PCDH15: variants seen among roughly 807,000 people sequenced by gnomAD.
PCDH15 encodes the protein protocadherin related 15.
A neutral mutation model predicts 178.5 loss-of-function variants in PCDH15; 129 were observed. That is an observed-to-expected ratio of 0.72 (90% CI 0.63 to 0.84). PCDH15 has a LOEUF of 0.84. Ranked by LOEUF, PCDH15 falls within the 40% of genes least tolerant of loss-of-function variation. PCDH15 has a pLI of 0.00. For missense variants in PCDH15, 2,230 were observed against 2,099.9 expected, an observed-to-expected ratio of 1.06 and a Z score of -1.21; for synonymous variants, 800 against 732.0, an observed-to-expected ratio of 1.09 and a Z score of -1.50.
At chr10:53,928,042 G>A (rs914961743) in intron 25 of PCDH15, among the ~76,000 whole-genome samples, 2 of 152,042 alleles carry the variant, frequency 1.3e-5, no homozygotes, top group Non-Finnish European at 2.9e-5. Flanking sequence ...GACATTCCTT[G>A]AGGTTAAGTG....
intron 2 of PCDH15, among the ~76,000 whole-genome samples, chr10:54,646,867 CT>C (rs2094140264): frequency 6.6e-6 from 1 of 151,966 alleles, no homozygotes; most frequent in Non-Finnish European, 1.5e-5. Flanking sequence ...TGTGGAGAAA[CT>C]GGAACTCCTA....
intron 2 of PCDH15, among the ~76,000 whole-genome samples, chr10:55,512,560 T>A (rs564511801): frequency 6.6e-6 from 1 of 152,048 alleles, no homozygotes; most frequent in Non-Finnish European, 1.5e-5. Flanking sequence ...CCAGTGAACC[T>A]AGGGGAGAAA....
intron 25 of PCDH15, among the ~76,000 whole-genome samples, chr10:53,932,547 G>A (rs901431178): frequency 2.6e-5 from 4 of 152,132 alleles, no homozygotes; most frequent in Admixed American, 6.5e-5. Context: ...ACTTGAGAAG[G>A]GAAAGCATAT....
intron 2 of PCDH15, among the ~76,000 whole-genome samples, chr10:55,480,525 GT>G (rs369670419): frequency 0.021 from 3,214 of 151,024 alleles, 116 homozygotes; most frequent in African/African-American, 0.073. Flanking sequence ...TTCATTTAGA[GT>G]TTTTTTTATC....
chr10:54,436,132 A>T (rs542961037), intron 3 of PCDH15, among the ~76,000 whole-genome samples: 97 of 149,806 alleles, frequency 6.5e-4, no homozygotes, highest in African/African-American at 2.3e-3. Flanking sequence ...AGAAAGAAAG[A>T]AAAAGAAAGA....
intron 1 of PCDH15, among the ~76,000 whole-genome samples, chr10:55,306,494 A>T (rs1241950696): frequency 6.6e-6 from 1 of 152,202 alleles, no homozygotes; most frequent in Non-Finnish European, 1.5e-5. Flanking sequence ...GTGTTAAAAA[A>T]ATATATTCTG....
At chr10:54,909,959 C>T (rs1009874341) in intron 2 of PCDH15, among the ~76,000 whole-genome samples, 6 of 152,148 alleles carry the variant, frequency 3.9e-5, no homozygotes, top group Non-Finnish European at 7.4e-5. Context: ...TCTCTTCTCC[C>T]CGTTTTCCTG....
chr10:55,142,325 T>G (rs1382053557), intron 2 of PCDH15, among the ~76,000 whole-genome samples: 1 of 152,064 alleles, frequency 6.6e-6, no homozygotes, highest in Non-Finnish European at 1.5e-5. Flanking sequence ...TTAGATTGGC[T>G]GAAAAGTAAA....
intron 8 of PCDH15, among the ~76,000 whole-genome samples, chr10:54,304,031 G>T (rs1174597762): frequency 6.6e-6 from 1 of 151,990 alleles, no homozygotes; most frequent in Non-Finnish European, 1.5e-5. Context: ...TAGCGATTAG[G>T]AATTTAGAGG....
chr10:53,846,522 A>G (rs1295459444), intron 28 of PCDH15, among the ~76,000 whole-genome samples: 2 of 145,436 alleles, frequency 1.4e-5, no homozygotes, highest in African/African-American at 4.9e-5. Flanking sequence ...TGAAAGGTTT[A>G]TTTAACTGAT....
At chr10:54,737,301 T>C (rs1591368834) in intron 1 of PCDH15, among the ~76,000 whole-genome samples, 1 of 152,234 alleles carries the variant, frequency 6.6e-6, no homozygotes, top group African/African-American at 2.4e-5. Context: ...CATGCATTTG[T>C]GGTAAAGCTG....
chr10:54,459,070 T>C lies in PCDH15; in HGVS notation c.157+68742A>G, dbSNP rs146539177. 3.0e-3 allele frequency among the ~76,000 whole-genome samples: 460 copies of C among 152,112 alleles called. 3 individuals carry two copies. Among genetic ancestry groups the C allele is most frequent in the African/African-American group, 0.011 (446 of 41,506 alleles). ...CTTCCTTTCCTATCTCAAAAATATG[T>C]CGTGTTCATTGGTGTATCTACATGG... On this transcript the variant is annotated intron_variant, in intron 3 of 37. Coordinates refer to ENST00000644397, the MANE Select transcript of PCDH15 (RefSeq NM_001384140.1).
intron 2 of PCDH15, among the ~76,000 whole-genome samples, chr10:54,604,751 G>A (rs910878912): frequency 2.0e-5 from 3 of 151,760 alleles, no homozygotes; most frequent in Non-Finnish European, 2.9e-5. Context: ...AGTAACTATT[G>A]ATAGGGAAGG....
intron 2 of PCDH15, among the ~76,000 whole-genome samples, chr10:55,040,855 A>G (rs1840849140): frequency 6.6e-6 from 1 of 151,662 alleles, no homozygotes; most frequent in South Asian, 2.1e-4. Context: ...TTCCCTTTCT[A>G]CTTTATTTGT....
At chr10:54,973,947 G>A (rs891669711) in intron 2 of PCDH15, among the ~76,000 whole-genome samples, 1 of 151,936 alleles carries the variant, frequency 6.6e-6, no homozygotes, top group Non-Finnish European at 1.5e-5. Flanking sequence ...TATACTACTT[G>A]TGCCTTTATT....
At chr10:53,834,358 CAG>C (rs1431241589) in intron 29 of PCDH15, among the ~76,000 whole-genome samples, 1 of 151,982 alleles carries the variant, frequency 6.6e-6, no homozygotes. Flanking sequence ...AGAAAATTTC[CAG>C]AGTTATATAT....
intron 2 of PCDH15, among the ~76,000 whole-genome samples, chr10:55,141,486 A>G (rs10825472): frequency 0.38 from 57,621 of 151,884 alleles, 11,328 homozygotes; most frequent in Admixed American, 0.48. Context: ...TTCCACAGTG[A>G]CTTTTGCTGA....
At chr10:54,881,779 C>T (rs763927546) in intron 3 of PCDH15, among the ~76,000 whole-genome samples, 5 of 152,000 alleles carry the variant, frequency 3.3e-5, no homozygotes, top group Non-Finnish European at 5.9e-5. Context: ...AGTCAATAGA[C>T]TGGTGGGGCT....
chr10:55,532,201 C>T (rs534425283), intron 2 of PCDH15, among the ~76,000 whole-genome samples: 11 of 152,074 alleles, frequency 7.2e-5, no homozygotes, highest in African/African-American at 2.6e-4. Context: ...CATATTGGTA[C>T]ACAATAATTT....
Sources: allele counts gnomAD v4.1 joint callset (sites outside exome capture counted in the v4.1 genomes callset), GRCh38; gene constraint gnomAD v4.1.1; transcripts MANE v1.5; gene names NCBI Gene and HGNC (gene_info 2026-07-23, HGNC 2026-07-21).